The following ENTPD3 variants were observed in gnomAD, a reference collection of about 807,000 sequenced individuals.
ENTPD3 encodes CD39 antigen-like 3.
ENTPD3 carries 60 observed loss-of-function variants against 51.2 expected under a neutral mutation model. The ratio of observed to expected loss-of-function variants is 1.17; its 90% CI spans 0.95 to 1.45. ENTPD3 has a LOEUF of 1.45. Among genes scored for constraint, ENTPD3 ranks in the 40% most tolerant of loss-of-function variants. ENTPD3 has a pLI of 0.00. For missense variants in ENTPD3, 593 were observed against 641.1 expected (o/e 0.93, Z 0.81); for synonymous variants, 221 against 238.4 (o/e 0.93, Z 0.67).
intron 3 of ENTPD3, among the ~76,000 whole-genome samples, chr3:40,394,090 A>G (rs1023472885): frequency 6.9e-6 from 1 of 143,898 alleles, no homozygotes; most frequent in Admixed American, 6.9e-5. Flanking sequence ...TGCAACTAAG[A>G]GTAATATATT....
At chr3:40,388,167 A>C in intron 2 of ENTPD3, 70 bp downstream of exon 2, 1 of 1,420,386 alleles carries the variant, frequency 7.0e-7, no homozygotes, top group Non-Finnish European at 1.0e-6. Context: ...TTCGGCCTAC[A>C]GTTTTTCATC....
chr3:40,418,925 C>T (rs939742846), intron 7 of ENTPD3, among the ~76,000 whole-genome samples: 2 of 151,958 alleles, frequency 1.3e-5, no homozygotes, highest in Non-Finnish European at 2.9e-5. Context: ...ATTGACCATT[C>T]GATTATGAAA....
At chr3:40,426,986 A>T (rs557248531) in intron 10 of ENTPD3, among the ~76,000 whole-genome samples, 1 of 152,274 alleles carries the variant, frequency 6.6e-6, no homozygotes, top group African/African-American at 2.4e-5. Flanking sequence ...GTGCTCCTGG[A>T]CAACAGGAAC....
chr3:40,395,828 T>G (rs987780557), intron 3 of ENTPD3, among the ~76,000 whole-genome samples: 4 of 152,196 alleles, frequency 2.6e-5, no homozygotes, highest in Admixed American at 2.0e-4. Flanking sequence ...TAGTAAGGCC[T>G]GAGGGGATGT....
intron 1 of ENTPD3, 88 bp from the exon 2 acceptor site, chr3:40,387,958 T>C (rs1183045849): frequency 6.4e-5 from 69 of 1,081,580 alleles, no homozygotes; most frequent in Non-Finnish European, 9.2e-5. Flanking sequence ...GGAAGTAAAA[T>C]GGGTTTTGTC....
intron 10 of ENTPD3, among the ~76,000 whole-genome samples, chr3:40,425,949 A>G (rs1054578871): frequency 6.6e-6 from 1 of 151,508 alleles, no homozygotes; most frequent in Non-Finnish European, 1.5e-5. Context: ...ACACTAAAGA[A>G]AAGTATTTAA....
In ENTPD3 at chr3:40,427,309, T is replaced by A. The variant is rs759201102; in HGVS notation, c.1391T>A (p.Met464Lys). ...NSSIAWSLGY[M>K]LSLTNQIPAE... ...AGCATAGCCTGGTCTCTTGGCTACA[T>A]GCTCAGCCTGACCAACCAGATCCCA... Residue 464 changes from methionine to lysine, a missense_variant, in exon 11 of 11, where the codon ATG becomes AAG. Physicochemically the swap from Met to Lys is moderately conservative, Grantham distance 95. Coordinates refer to ENST00000301825, the MANE Select transcript of ENTPD3 (RefSeq NM_001248.4). 1 of 1,614,168 alleles carries A rather than the reference T, an allele frequency of 6.2e-7. No homozygotes were observed. Among genetic ancestry groups the A allele is most frequent in the South Asian group, 1.1e-5 (1 of 91,080 alleles).
chr3:40,399,699 C>T (rs1301097334), intron 3 of ENTPD3: 2 of 152,130 alleles, frequency 1.3e-5, no homozygotes, highest in Non-Finnish European at 2.9e-5. Context: ...CTAATACATG[C>T]TCTTTCCTGG....
chr3:40,414,945 T>C, intron 6 of ENTPD3, 105 bp downstream of exon 6: 1 of 1,145,780 alleles, frequency 8.7e-7, no homozygotes, highest in Non-Finnish European at 1.3e-6. Flanking sequence ...CTGCCCTGTA[T>C]CACTCCTACC....
At chr3:40,404,075 T>A (rs966470247) in intron 4 of ENTPD3, among the ~76,000 whole-genome samples, 1 of 152,104 alleles carries the variant, frequency 6.6e-6, no homozygotes, top group African/African-American at 2.4e-5. Flanking sequence ...CCTTCAACCA[T>A]GAAATAGGGC....
chr3:40,392,574 C>CAAA (rs374441240), intron 3 of ENTPD3: 4 of 125,654 alleles, frequency 3.2e-5, no homozygotes, highest in African/African-American at 5.6e-5. Flanking sequence ...CCATCTCTAT[C>CAAA]AAAAAAAAAA....
At chr3:40,424,543 G>A (rs1040182435) in intron 10 of ENTPD3, among the ~76,000 whole-genome samples, 1 of 151,454 alleles carries the variant, frequency 6.6e-6, no homozygotes, top group Non-Finnish European at 1.5e-5. Flanking sequence ...CTTAGCTCAG[G>A]GTTTAATATA....
At chr3:40,427,245 C>A (rs747172417) in intron 10 of ENTPD3, 27 bp from the exon 11 acceptor site, 2 of 1,567,768 alleles carry the variant, frequency 1.3e-6, no homozygotes, top group African/African-American at 1.3e-5. Flanking sequence ...TTGCCCTGAG[C>A]GCTGAGCCAT....
chr3:40,417,978 G>C (rs772962677), intron 7 of ENTPD3, among the ~76,000 whole-genome samples: 7 of 152,238 alleles, frequency 4.6e-5, no homozygotes, highest in Non-Finnish European at 1.0e-4. Flanking sequence ...GCGTGCCTCT[G>C]TGTGTTTTTG....
Position 40,411,814 on chromosome 3 carries a change from T to A in ENTPD3, c.289T>A (p.Ser97Thr). The A allele has an allele frequency of 1.9e-6, 3 of 1,573,386 alleles. No homozygotes were observed. Among genetic ancestry groups the A allele is most frequent in the Non-Finnish European group, 2.6e-6 (3 of 1,159,858 alleles). ...GATGCTGACTGCTTGCTTTTCAGGCTCTGGAATCTCCAGCTATGGAAATAA... is the reference window on the plus strand; with the variant it reads ...GATGCTGACTGCTTGCTTTTCAGGCACTGGAATCTCCAGCTATGGAAATAA... Reference protein sequence around the residue: ...SQTFKCSVKGSGISSYGNNPQ... With the variant: ...SQTFKCSVKGTGISSYGNNPQ... Residue 97 changes from serine (S) to threonine (T), a missense_variant and splice_region_variant, in exon 5 of 11, where the codon TCT becomes ACT. Physicochemically the swap from Ser to Thr is moderately conservative, Grantham distance 58 (BLOSUM62 1). Coordinates refer to ENST00000301825, the MANE Select transcript of ENTPD3 (RefSeq NM_001248.4).
intron 2 of ENTPD3, among the ~76,000 whole-genome samples, chr3:40,390,656 T>A (rs1423253283): frequency 2.6e-5 from 4 of 152,246 alleles, no homozygotes; most frequent in Non-Finnish European, 5.9e-5. Context: ...AAGGGCAATT[T>A]ATAAGTTTAT....
chr3:40,421,403 A>T (rs1955869222), intron 7 of ENTPD3, among the ~76,000 whole-genome samples: 1 of 152,284 alleles, frequency 6.6e-6, no homozygotes, highest in Non-Finnish European at 1.5e-5. Flanking sequence ...AATTCCTTAG[A>T]AAAGAGAGTT....
intron 4 of ENTPD3, among the ~76,000 whole-genome samples, chr3:40,404,922 T>C (rs1483515421): frequency 2.6e-5 from 4 of 152,328 alleles, no homozygotes; most frequent in African/African-American, 9.6e-5. Context: ...GCTACTGTTT[T>C]CCATGAGTTC....
intron 2 of ENTPD3, 84 bp downstream of exon 2, chr3:40,388,181 A>T (rs1954980204): frequency 8.1e-7 from 1 of 1,238,760 alleles, no homozygotes; most frequent in Non-Finnish European, 1.2e-6. Context: ...TTTCATCCAT[A>T]TCCCCTGCAA....
Sources: gnomAD v4.1 joint callset for allele counts (sites outside exome capture counted in the v4.1 genomes callset) on GRCh38, gnomAD v4.1.1 for gene constraint, MANE v1.5 for transcripts, NCBI Gene and HGNC (gene_info 2026-07-23, HGNC 2026-07-21) for gene names.